LHFPL6: variants seen among roughly 807,000 people sequenced by gnomAD.
The protein encoded by LHFPL6 is LHFPL tetraspan subfamily member 6.
LHFPL6 carries 9 observed loss-of-function variants against 20.6 expected under a neutral mutation model. The ratio of observed to expected loss-of-function variants is 0.44; its 90% CI spans 0.26 to 0.76. LHFPL6 has a LOEUF of 0.76. LHFPL6 is among the 30% of genes least tolerant of loss of function. The pLI, the probability that LHFPL6 is intolerant of heterozygous loss-of-function variation, is 0.20. For missense variants in LHFPL6, 218 were observed against 253.5 expected (o/e 0.86, Z 0.95); for synonymous variants, 105 against 98.7 (o/e 1.06, Z -0.38).
At chr13:39,348,439 C>T (rs1204918473) in intron 3 of LHFPL6, among the ~76,000 whole-genome samples, 2 of 152,132 alleles carry the variant, frequency 1.3e-5, no homozygotes, top group South Asian at 4.1e-4. Flanking sequence ...CCGGGTGGAA[C>T]AAAGTCTGCA....
intron 2 of LHFPL6, among the ~76,000 whole-genome samples, chr13:39,439,741 G>A (rs1244518305): frequency 3.9e-5 from 6 of 152,010 alleles, no homozygotes; most frequent in Admixed American, 2.0e-4. Context: ...TTAAAAGTCT[G>A]TAGCACCTCC....
intron 2 of LHFPL6, among the ~76,000 whole-genome samples, chr13:39,437,993 C>T (rs1314483116): frequency 6.6e-6 from 1 of 151,690 alleles, no homozygotes; most frequent in Non-Finnish European, 1.5e-5. Context: ...AACTGGGAAA[C>T]AGGTAGAGGC....
chr13:39,411,137 G>A (rs112770349), intron 2 of LHFPL6, among the ~76,000 whole-genome samples: 2 of 152,130 alleles, frequency 1.3e-5, no homozygotes, highest in Admixed American at 6.5e-5. Context: ...TTATTCCTGG[G>A]GGCAGTGAGT....
At chr13:39,575,061 T>G (rs1872071633) in intron 2 of LHFPL6, among the ~76,000 whole-genome samples, 1 of 151,436 alleles carries the variant, frequency 6.6e-6, no homozygotes, top group Non-Finnish European at 1.5e-5. Flanking sequence ...CAGAGCAAAC[T>G]CCATCTCAAG....
At chr13:39,405,660 A>G (rs1010256989) in intron 2 of LHFPL6, among the ~76,000 whole-genome samples, 2 of 152,220 alleles carry the variant, frequency 1.3e-5, no homozygotes, top group African/African-American at 4.8e-5. Flanking sequence ...CGTTCTTGCT[A>G]ATTTCAAAAA....
chr13:39,493,949 T>C (rs905464324), intron 2 of LHFPL6, among the ~76,000 whole-genome samples: 1 of 152,244 alleles, frequency 6.6e-6, no homozygotes, highest in African/African-American at 2.4e-5. Context: ...GCACACTACA[T>C]GTTTTCATCC....
intron 2 of LHFPL6, among the ~76,000 whole-genome samples, chr13:39,551,068 G>A (rs1208904333): frequency 3.3e-5 from 5 of 152,044 alleles, no homozygotes; most frequent in African/African-American, 1.2e-4. Flanking sequence ...TCTATCCTTT[G>A]TCTATTCTTT....
chr13:39,347,107 C>T (rs930897103), intron 3 of LHFPL6, among the ~76,000 whole-genome samples: 1 of 148,786 alleles, frequency 6.7e-6, no homozygotes, highest in East Asian at 2.0e-4. Context: ...AAAAAAGCCC[C>T]GTTAATGAAT....
chr13:39,343,745 T>C lies in LHFPL6; in HGVS notation c.*191A>G. The C allele has an allele frequency of 1.9e-6, 1 of 535,062 alleles. No individual in the cohort carries two copies. Among genetic ancestry groups the C allele is most frequent in the Non-Finnish European group, 3.3e-6 (1 of 300,624 alleles). The allele number at this position is 535,062 out of a possible 1,614,324, so 33.1% of individuals were successfully genotyped here. A position where few individuals can be genotyped will look rare whatever the true frequency, so the allele number is the denominator to read the frequency against. The stretch of plus-strand genomic sequence containing the variant: ...TTTTCTCCATCATTCTATACTCTCC[T>C]TTTTTTTCCCCCACAAATCTCCTAC... On this transcript the variant is annotated 3_prime_UTR_variant, in exon 4 of 4. Coordinates refer to ENST00000379589, the MANE Select transcript of LHFPL6 (RefSeq NM_005780.3).
chr13:39,509,674 A>C (rs1297803326), intron 2 of LHFPL6, among the ~76,000 whole-genome samples: 5 of 152,184 alleles, frequency 3.3e-5, no homozygotes, highest in Non-Finnish European at 7.3e-5. Context: ...TAAAATAAAG[A>C]TGGGGCCAGG....
At chr13:39,455,569 T>G (rs550398651) in intron 2 of LHFPL6, among the ~76,000 whole-genome samples, 103 of 152,210 alleles carry the variant, frequency 6.8e-4, no homozygotes, top group Non-Finnish European at 1.2e-3. Context: ...GCAGAAATGC[T>G]TAGTGCAGCA....
At chr13:39,503,443 C>T (rs978427070) in intron 2 of LHFPL6, among the ~76,000 whole-genome samples, 39 of 152,192 alleles carry the variant, frequency 2.6e-4, no homozygotes, top group African/African-American at 8.4e-4. Context: ...CCACATACTA[C>T]CATAACTCCC....
chr13:39,424,666 A>G lies in LHFPL6; in HGVS notation c.386-46140T>C, dbSNP rs868321798. Among the ~76,000 whole-genome samples, 4 of 152,184 alleles carry G rather than the reference A, an allele frequency of 2.6e-5. No homozygotes were observed. The South Asian group carries it at 8.3e-4, about 31-fold the overall frequency. On this transcript the variant is annotated intron_variant, in intron 2 of 3. Transcript: ENST00000379589. ...CGGGGATTGTTACAAAGTGAAAAAAATGGTACTGCAATTTTTCAAAATGAG... is the reference window on the plus strand; with the variant it reads ...CGGGGATTGTTACAAAGTGAAAAAAGTGGTACTGCAATTTTTCAAAATGAG...
At chr13:39,499,227 T>C (rs1457791741) in intron 2 of LHFPL6, among the ~76,000 whole-genome samples, 1 of 149,174 alleles carries the variant, frequency 6.7e-6, no homozygotes, top group Non-Finnish European at 1.5e-5. Context: ...CTCTTTTCTA[T>C]ACTCAAGGCA....
At chr13:39,435,200 T>G (rs1254816854) in intron 2 of LHFPL6, among the ~76,000 whole-genome samples, 1 of 152,216 alleles carries the variant, frequency 6.6e-6, no homozygotes, top group Non-Finnish European at 1.5e-5. Flanking sequence ...AATGAGTTTT[T>G]GGGTTTCAAG....
chr13:39,573,318 T>C (rs1325200036), intron 2 of LHFPL6, among the ~76,000 whole-genome samples: 1 of 152,176 alleles, frequency 6.6e-6, no homozygotes, highest in Non-Finnish European at 1.5e-5. Flanking sequence ...TGAGTATGTA[T>C]CAATAGGTCT....
chr13:39,512,981 G>A (rs1221487649), intron 2 of LHFPL6, among the ~76,000 whole-genome samples: 1 of 152,196 alleles, frequency 6.6e-6, no homozygotes, highest in African/African-American at 2.4e-5. Context: ...TGATGACCAC[G>A]CTGTCCTGGG....
intron 2 of LHFPL6, among the ~76,000 whole-genome samples, chr13:39,492,907 C>T (rs533740640): frequency 3.6e-4 from 54 of 151,976 alleles, no homozygotes; most frequent in African/African-American, 1.1e-3. Flanking sequence ...CTTGAATTCC[C>T]GACCTCAGGT....
At chr13:39,393,413 T>C (rs551714821) in intron 2 of LHFPL6, among the ~76,000 whole-genome samples, 2 of 152,164 alleles carry the variant, frequency 1.3e-5, no homozygotes, top group Non-Finnish European at 2.9e-5. Context: ...AACCAACAGA[T>C]ACCAGATAAG....
Sources: gnomAD v4.1 joint callset for allele counts (sites outside exome capture counted in the v4.1 genomes callset) on GRCh38, gnomAD v4.1.1 for gene constraint, MANE v1.5 for transcripts, NCBI Gene and HGNC (gene_info 2026-07-23, HGNC 2026-07-21) for gene names.